Variants in LRMDA observed in about 807,000 individuals in gnomAD.
The protein encoded by LRMDA is leucine rich melanocyte differentiation associated.
A neutral mutation model predicts 29.8 loss-of-function variants in LRMDA; 18 were observed. The ratio of observed to expected loss-of-function variants is 0.60; its 90% CI spans 0.42 to 0.90. LRMDA has a LOEUF of 0.90. Ranked by LOEUF, LRMDA falls within the 40% of genes least tolerant of loss-of-function variation. LRMDA has a pLI of 0.00. For synonymous variants in LRMDA, 125 were observed against 109.4 expected, an observed-to-expected ratio of 1.14 and a Z score of -0.89; for missense variants, 273 against 273.9, an observed-to-expected ratio of 1.00 and a Z score of 0.02.
At chr10:76,235,088 C>T (rs1852127200) in intron 5 of LRMDA, among the ~76,000 whole-genome samples, 1 of 152,080 alleles carries the variant, frequency 6.6e-6, no homozygotes, top group Non-Finnish European at 1.5e-5. Context: ...TTTAAGTGTG[C>T]CTCTTTCTTT....
intron 5 of LRMDA, among the ~76,000 whole-genome samples, chr10:76,065,140 G>T (rs1441352732): frequency 6.6e-6 from 1 of 152,110 alleles, no homozygotes; most frequent in Non-Finnish European, 1.5e-5. Flanking sequence ...TTCACAGTTT[G>T]CACGTTCATT....
At chr10:75,434,586 C>T (rs1844244343) in intron 1 of LRMDA, among the ~76,000 whole-genome samples, 2 of 152,166 alleles carry the variant, frequency 1.3e-5, no homozygotes. Flanking sequence ...CACACATACA[C>T]TTATTTATTT....
intron 2 of LRMDA, among the ~76,000 whole-genome samples, chr10:75,864,359 G>A (rs568738002): frequency 6.6e-6 from 1 of 152,282 alleles, no homozygotes; most frequent in Admixed American, 6.5e-5. Context: ...CATGATGCAG[G>A]TTCAGCCCTT....
Position 76,047,239 on chromosome 10 carries a change from A to G in LRMDA, c.334A>G (p.Asn112Asp). 1 of 1,614,140 alleles carries G rather than the reference A, an allele frequency of 6.2e-7. No homozygotes were observed. Residue 112 changes from asparagine (N) to aspartate (D), a missense_variant, in exon 4 of 7, where the codon AAC (asparagine) becomes GAC (aspartate). By Grantham distance (23) the Asn-to-Asp change is conservative. Coordinates refer to ENST00000611255, the MANE Select transcript of LRMDA (RefSeq NM_001305581.2). ...PALEYLSLLGNVACPNELVSL... is the reference protein window; with the variant it reads ...PALEYLSLLGDVACPNELVSL... ...TCTGGAGTACCTCAGTCTGCTGGGC[A>G]ACGTGGCCTGTCCCAACGAGCTGGT...
intron 2 of LRMDA, among the ~76,000 whole-genome samples, chr10:75,596,568 AATAATTG>A (rs1840791310): frequency 6.6e-6 from 1 of 152,088 alleles, no homozygotes; most frequent in African/African-American, 2.4e-5. Flanking sequence ...AATGACATAT[AATAATTG>A]TACATGTTTA....
intron 5 of LRMDA, among the ~76,000 whole-genome samples, chr10:76,221,029 T>G (rs1227952529): frequency 6.6e-6 from 1 of 152,196 alleles, no homozygotes; most frequent in African/African-American, 2.4e-5. Flanking sequence ...ACCACATGAT[T>G]ATCTCAATAG....
At chr10:75,714,188 TAAAAA>T (rs1564547488) in intron 2 of LRMDA, among the ~76,000 whole-genome samples, 1 of 152,066 alleles carries the variant, frequency 6.6e-6, no homozygotes, top group African/African-American at 2.4e-5. Context: ...GAATGGGAGT[TAAAAA>T]AAGAAATTAA....
At chr10:76,312,934 AAG>A (rs765514430) in intron 5 of LRMDA, among the ~76,000 whole-genome samples, 4 of 152,276 alleles carry the variant, frequency 2.6e-5, no homozygotes, top group Admixed American at 1.3e-4. Flanking sequence ...TTGAAGAGAT[AAG>A]ATATTAAACA....
At chr10:76,225,736 T>A (rs1461112787) in intron 5 of LRMDA, among the ~76,000 whole-genome samples, 4 of 131,436 alleles carry the variant, frequency 3.0e-5, no homozygotes, top group Admixed American at 7.4e-5. Flanking sequence ...ATATATATAT[T>A]TTTATTATAT....
At position 75,904,873 on chromosome 10, in the gene LRMDA, A is replaced by G. The variant is rs747848661; in HGVS notation, c.132-131135A>G. Among the ~76,000 whole-genome samples the G allele has an allele frequency of 9.2e-5, 14 of 152,232 alleles. 1 individual carries two copies. In the South Asian group the frequency reaches 1.9e-3, roughly 20 times the overall value. The stretch of plus-strand genomic sequence containing the variant: ...AGTCTCTCTTAGAGATGGAGTCTTG[A>G]AAGTTCGATTATTAGTGACAGCTTG... On this transcript the variant is annotated intron_variant, in intron 2 of 6. Coordinates refer to ENST00000611255, the MANE Select transcript of LRMDA (RefSeq NM_001305581.2).
At chr10:76,221,566 G>A (rs1851838030) in intron 5 of LRMDA, among the ~76,000 whole-genome samples, 2 of 152,238 alleles carry the variant, frequency 1.3e-5, no homozygotes, top group South Asian at 4.1e-4. Flanking sequence ...TACAAGGGAT[G>A]TGAAGGACCT....
At chr10:75,807,247 C>T (rs1036050681) in intron 2 of LRMDA, among the ~76,000 whole-genome samples, 4 of 152,122 alleles carry the variant, frequency 2.6e-5, no homozygotes, top group African/African-American at 9.7e-5. Context: ...AGGGATGCAG[C>T]ACAGGGAGGG....
chr10:75,709,941 A>G (rs1247445112), intron 2 of LRMDA, among the ~76,000 whole-genome samples: 1 of 152,324 alleles, frequency 6.6e-6, no homozygotes, highest in Admixed American at 6.5e-5. Flanking sequence ...CACATTGTAC[A>G]GGCCTGTTGT....
At chr10:76,265,594 G>A (rs1254376581) in intron 5 of LRMDA, among the ~76,000 whole-genome samples, 1 of 152,178 alleles carries the variant, frequency 6.6e-6, no homozygotes, top group Non-Finnish European at 1.5e-5. Context: ...GCGAGGCTTG[G>A]TATGGAGCCC....
Position 76,001,918 on chromosome 10 carries a change from G to A in LRMDA, c.132-34090G>A, listed in dbSNP as rs564553813. 7.2e-5 allele frequency among the ~76,000 whole-genome samples: 11 copies of A among 152,174 alleles called. No individual in the cohort carries two copies. The South Asian group carries it at 1.9e-3, about 26-fold the overall frequency. On this transcript the variant is annotated intron_variant, in intron 2 of 6. Coordinates refer to ENST00000611255, the MANE Select transcript of LRMDA (RefSeq NM_001305581.2). ...GGAAAACCTCTTCTAAAATCCCTGGGACTGGCCTGAGTGTCATGGAAGTGA... is the reference window on the plus strand; with the variant it reads ...GGAAAACCTCTTCTAAAATCCCTGGAACTGGCCTGAGTGTCATGGAAGTGA...
chr10:76,281,304 G>A (rs1171029007), intron 5 of LRMDA, among the ~76,000 whole-genome samples: 5 of 152,180 alleles, frequency 3.3e-5, no homozygotes, highest in African/African-American at 9.7e-5. Context: ...GCCAAGGCAC[G>A]TGGTAGGAAC....
At chr10:75,579,750 T>A (rs1189286235) in intron 2 of LRMDA, among the ~76,000 whole-genome samples, 2 of 152,240 alleles carry the variant, frequency 1.3e-5, no homozygotes, top group Non-Finnish European at 2.9e-5. Context: ...ATCCCAGGGA[T>A]GCAAGGCTAG....
At chr10:76,520,200 G>A (rs1843104332) in intron 6 of LRMDA, among the ~76,000 whole-genome samples, 1 of 151,036 alleles carries the variant, frequency 6.6e-6, no homozygotes, top group Admixed American at 6.6e-5. Context: ...CTTTATCATA[G>A]TATATATTAT....
At chr10:75,685,539 TCATC>T (rs1344879422) in intron 2 of LRMDA, among the ~76,000 whole-genome samples, 2 of 152,244 alleles carry the variant, frequency 1.3e-5, no homozygotes, top group African/African-American at 2.4e-5. Context: ...ATCCATTTAT[TCATC>T]CATCTATCTT....
Sources: allele counts gnomAD v4.1 joint callset (sites outside exome capture counted in the v4.1 genomes callset), GRCh38; gene constraint gnomAD v4.1.1; transcripts MANE v1.5; gene names NCBI Gene and HGNC (gene_info 2026-07-23, HGNC 2026-07-21).